Variants in KIF6 observed in about 807,000 individuals in gnomAD.
KIF6 encodes the protein kinesin-like protein KIF6.
A neutral mutation model predicts 112.7 loss-of-function variants in KIF6; 106 were observed. That is an observed-to-expected ratio of 0.94 (90% CI 0.80 to 1.11). The LOEUF is 1.11. KIF6 is among the 50% of genes least tolerant of loss of function. The probability of loss-of-function intolerance (pLI) is 0.00; values close to 1 mark genes in which losing one functional copy is unlikely to be tolerated. For synonymous variants in KIF6, 339 were observed against 339.9 expected, an observed-to-expected ratio of 1.00 and a Z score of 0.03; for missense variants, 929 against 964.0, an observed-to-expected ratio of 0.96 and a Z score of 0.48.
At chr6:39,581,129 C>A (rs1357272103) in intron 9 of KIF6, among the ~76,000 whole-genome samples, 1 of 148,738 alleles carries the variant, frequency 6.7e-6, no homozygotes, top group Non-Finnish European at 1.5e-5. Context: ...GTCTGTCCTT[C>A]CTTCCTTTCT....
At chr6:39,396,240 C>T (rs1768259330) in intron 15 of KIF6, among the ~76,000 whole-genome samples, 1 of 152,216 alleles carries the variant, frequency 6.6e-6, no homozygotes, top group Non-Finnish European at 1.5e-5. Context: ...GTTCAAAAGT[C>T]ATTGTTAGAT....
intron 7 of KIF6, among the ~76,000 whole-genome samples, 162 bp from the exon 8 acceptor site, chr6:39,586,566 T>C (rs549955385): frequency 6.6e-6 from 1 of 152,286 alleles, no homozygotes; most frequent in Admixed American, 6.5e-5. Flanking sequence ...ACAACAATAT[T>C]CAGTACAAGA....
At chr6:39,591,175 A>C (rs7744341) in intron 7 of KIF6, among the ~76,000 whole-genome samples, 67,402 of 152,022 alleles carry the variant, frequency 0.44, 16,332 homozygotes, top group African/African-American at 0.64. Context: ...TCACTTAGAT[A>C]AGTCAGGATC....
At chr6:39,346,254 T>C in intron 20 of KIF6, 1 of 670,700 alleles carries the variant, frequency 1.5e-6, no homozygotes. Context: ...TGCTACGGAC[T>C]GGAGGTTTGT....
intron 3 of KIF6, among the ~76,000 whole-genome samples, chr6:39,667,767 A>G (rs1255274125): frequency 6.6e-6 from 1 of 152,158 alleles, no homozygotes; most frequent in Non-Finnish European, 1.5e-5. Context: ...GGGAATTTTG[A>G]TCTTTCAGGA....
intron 3 of KIF6, among the ~76,000 whole-genome samples, chr6:39,663,388 G>A (rs1217116183): frequency 2.0e-5 from 3 of 152,108 alleles, no homozygotes; most frequent in Non-Finnish European, 4.4e-5. Context: ...GGAGAAGTAG[G>A]GAGTTAAGCC....
At chr6:39,589,384 C>G (rs1266407935) in intron 7 of KIF6, among the ~76,000 whole-genome samples, 2 of 151,998 alleles carry the variant, frequency 1.3e-5, no homozygotes, top group African/African-American at 2.4e-5. Context: ...ATCTGCTTCC[C>G]CTCTAGGCTT....
intron 16 of KIF6, among the ~76,000 whole-genome samples, chr6:39,372,595 CA>C (rs988204801): frequency 1.3e-5 from 2 of 152,118 alleles, no homozygotes; most frequent in Non-Finnish European, 2.9e-5. Context: ...TAAACCATTG[CA>C]AACACAAAAA....
At chr6:39,587,437 A>G (rs1021969095) in intron 7 of KIF6, among the ~76,000 whole-genome samples, 1 of 152,208 alleles carries the variant, frequency 6.6e-6, no homozygotes, top group African/African-American at 2.4e-5. Context: ...TGTTTTAAGC[A>G]ACATATGTAA....
rs993067520 is a variant in KIF6, at chr6:39,725,387, G to T, written c.-77C>A. 88 of 1,200,136 alleles carry T rather than the reference G, an allele frequency of 7.3e-5. No homozygotes were observed. The highest frequency in any genetic ancestry group is 5.8e-4 in the Middle Eastern group (3 of 5,206). The allele number at this position is 1,200,136 out of a possible 1,614,324, so 74.3% of individuals were successfully genotyped here. A position where few individuals can be genotyped will look rare whatever the true frequency, so the allele number is the denominator to read the frequency against. ...AAAACTAACTCCCACCACCTCCGGC[G>T]ACCCACAGTCTTAGCAACAGTAGCT... On this transcript the variant is annotated 5_prime_UTR_variant, in exon 1 of 23. Transcript: ENST00000287152.
intron 15 of KIF6, among the ~76,000 whole-genome samples, chr6:39,389,861 TC>T (rs1307508293): frequency 2.6e-5 from 4 of 151,942 alleles, no homozygotes; most frequent in African/African-American, 9.7e-5. Flanking sequence ...CAAAACTCCA[TC>T]TCTACTAAAA....
At chr6:39,440,298 T>C (rs1771838017) in intron 13 of KIF6, among the ~76,000 whole-genome samples, 1 of 152,070 alleles carries the variant, frequency 6.6e-6, no homozygotes, top group Admixed American at 6.6e-5. Flanking sequence ...TGTGGCTCAA[T>C]AGTGGAAGCT....
intron 7 of KIF6, among the ~76,000 whole-genome samples, chr6:39,586,836 T>A (rs985331628): frequency 6.6e-6 from 1 of 152,166 alleles, no homozygotes; most frequent in East Asian, 1.9e-4. Context: ...CAGATTCTCA[T>A]GCAAGATTGT....
intron 22 of KIF6, among the ~76,000 whole-genome samples, chr6:39,338,542 G>A (rs192201586): frequency 7.2e-5 from 11 of 152,326 alleles, no homozygotes; most frequent in African/African-American, 2.6e-4. Flanking sequence ...AGTACACCGA[G>A]CCTATGATGG....
intron 4 of KIF6, among the ~76,000 whole-genome samples, chr6:39,636,344 C>T (rs1784622763): frequency 1.3e-5 from 2 of 151,986 alleles, no homozygotes; most frequent in African/African-American, 4.8e-5. Flanking sequence ...AGCTGAAATT[C>T]TATATTCCGG....
At chr6:39,508,862 A>G (rs1021855970) in intron 13 of KIF6, among the ~76,000 whole-genome samples, 1 of 152,206 alleles carries the variant, frequency 6.6e-6, no homozygotes, top group Non-Finnish European at 1.5e-5. Context: ...CCAGCACTGA[A>G]GAGAGCAGTG....
chr6:39,366,446 T>C lies in KIF6; in HGVS notation c.1862-3928A>G, dbSNP rs182659139. Among the ~76,000 whole-genome samples, 8 of 152,250 alleles carry C rather than the reference T, an allele frequency of 5.3e-5. No individual in the cohort carries two copies. In the East Asian group the frequency reaches 1.4e-3, roughly 26 times the overall value. On this transcript the variant is annotated intron_variant, in intron 16 of 22. Coordinates refer to ENST00000287152, the MANE Select transcript of KIF6 (RefSeq NM_145027.6). ...GGATTCCAGTGGGGAAGACAGACAC[T>C]AAAACCACAAACAATTGAGTCTGCA...
At position 39,639,737 on chromosome 6, in the gene KIF6, C is replaced by G. The variant is rs763836779; in HGVS notation, c.272G>C (p.Gly91Ala). Reference protein sequence around the residue: ...VAGSVLAGYNGTIFAYGQTGS... With the variant: ...VAGSVLAGYNATIFAYGQTGS... ...TGTTTGCCCATATGCAAAGATGGTA[C>G]CATTGTAACCTGCCAGGACACTGCA... Residue 91 changes from glycine to alanine, a missense_variant, in exon 4 of 23, where the codon GGT (glycine) becomes GCT (alanine). Physicochemically the swap from Gly to Ala is moderately conservative, Grantham distance 60 (BLOSUM62 0). Around this residue, in one of 2 missense-constraint regions of KIF6, gnomAD observed 688 missense variants for 662.7 expected, o/e 1.04. Coordinates refer to ENST00000287152, the MANE Select transcript of KIF6 (RefSeq NM_145027.6). The G allele has an allele frequency of 6.2e-7, 1 of 1,611,682 alleles. No homozygotes were observed. Among genetic ancestry groups the G allele is most frequent in the South Asian group, 1.1e-5 (1 of 90,742 alleles).
chr6:39,567,247 C>T (rs181819518), intron 10 of KIF6, among the ~76,000 whole-genome samples: 21 of 152,274 alleles, frequency 1.4e-4, no homozygotes, highest in Non-Finnish European at 2.2e-4. Flanking sequence ...CATCAATCCT[C>T]GTAAGAGCCT....
Sources: allele counts gnomAD v4.1 joint callset (sites outside exome capture counted in the v4.1 genomes callset), GRCh38; gene constraint gnomAD v4.1.1; regional missense constraint gnomAD v4.1.1; transcripts MANE v1.5; gene names NCBI Gene and HGNC (gene_info 2026-07-23, HGNC 2026-07-21).